Variants in EOGT observed in about 807,000 individuals in gnomAD.
EOGT encodes EGF domain specific O-linked N-acetylglucosamine transferase.
Under a neutral mutation model 70.5 loss-of-function variants are expected in EOGT, and 55 were observed. The ratio of observed to expected loss-of-function variants is 0.78; its 90% CI spans 0.63 to 0.98. The LOEUF is 0.98. Ranked by LOEUF, EOGT falls within the 50% of genes least tolerant of loss-of-function variation. EOGT has a pLI of 0.00. For synonymous variants in EOGT, 246 were observed against 217.1 expected, an observed-to-expected ratio of 1.13 and a Z score of -1.17; for missense variants, 703 against 641.9, an observed-to-expected ratio of 1.10 and a Z score of -1.03.
At position 68,978,480 on chromosome 3, in the gene EOGT, T is replaced by G. The variant is rs996086406; in HGVS notation, c.1335-45A>C. 3.6e-6 allele frequency: 5 copies of G among 1,373,544 alleles called. No homozygotes were observed. In the East Asian group the frequency reaches 9.7e-5, roughly 27 times the overall value. The allele number at this position is 1,373,544 out of a possible 1,614,324, so 85.1% of individuals were successfully genotyped here. ...ACAACATGAGGCTTTTGTCCAAGGTTTTTTCCAAATCAACAACTCTGCGAA... is the reference window on the plus strand; with the variant it reads ...ACAACATGAGGCTTTTGTCCAAGGTGTTTTCCAAATCAACAACTCTGCGAA... On this transcript the variant is annotated intron_variant, in intron 16 of 17. Coordinates refer to ENST00000383701, the MANE Select transcript of EOGT (RefSeq NM_001278689.2).
chr3:68,991,416 G>A (rs2090989885), intron 10 of EOGT, among the ~76,000 whole-genome samples: 1 of 152,192 alleles, frequency 6.6e-6, no homozygotes, highest in African/African-American at 2.4e-5. Flanking sequence ...GGACATATGT[G>A]TTTATGGTCA....
At chr3:68,990,347 G>C (rs1304021373) in intron 10 of EOGT, among the ~76,000 whole-genome samples, 1 of 126,490 alleles carries the variant, frequency 7.9e-6, no homozygotes, top group Non-Finnish European at 1.6e-5. Flanking sequence ...ATTACCACAT[G>C]CTTTTTTTTT....
At chr3:68,980,447 A>G (rs2090606760) in intron 15 of EOGT, among the ~76,000 whole-genome samples, 1 of 152,220 alleles carries the variant, frequency 6.6e-6, no homozygotes. Flanking sequence ...GACACTAACC[A>G]GTGTGTAAAC....
intron 10 of EOGT, among the ~76,000 whole-genome samples, chr3:68,996,189 T>C (rs780516873): frequency 6.6e-6 from 1 of 152,178 alleles, no homozygotes; most frequent in Non-Finnish European, 1.5e-5. Context: ...TAAATGCATA[T>C]AGACGGAAAA....
intron 4 of EOGT, 96 bp from the exon 5 acceptor site, chr3:69,008,624 C>A: frequency 1.2e-6 from 1 of 810,654 alleles, no homozygotes; most frequent in South Asian, 1.5e-5. Flanking sequence ...ATAGAGCATT[C>A]ACATTTACAT....
At chr3:69,007,351 TAATAAA>T (rs1225200248) in intron 6 of EOGT, among the ~76,000 whole-genome samples, 2 of 152,034 alleles carry the variant, frequency 1.3e-5, no homozygotes, top group Non-Finnish European at 2.9e-5. Flanking sequence ...CAATAATAAG[TAATAAA>T]AATAAAATAG....
intron 8 of EOGT, among the ~76,000 whole-genome samples, chr3:69,002,193 G>A (rs1471890760): frequency 6.6e-6 from 1 of 152,144 alleles, no homozygotes; most frequent in Non-Finnish European, 1.5e-5. Flanking sequence ...GAGTTTAGCA[G>A]CAGATTCTCC....
chr3:68,987,761 G>T, intron 13 of EOGT: 1 of 539,096 alleles, frequency 1.9e-6, no homozygotes, highest in Non-Finnish European at 3.3e-6. Context: ...TTTTGGCAGG[G>T]GTTGTGTATG....
chr3:68,989,630 C>T lies in EOGT; in HGVS notation c.832-613G>A, dbSNP rs1292434964. ...AGGCATGGTGGCATGTGCTTATAAT[C>T]CCAGCTACTCGGGAGGCTGAGACAG... On this transcript the variant is annotated intron_variant, in intron 10 of 17. Coordinates refer to ENST00000383701, the MANE Select transcript of EOGT (RefSeq NM_001278689.2). Among the ~76,000 whole-genome samples, 3 of 151,794 alleles carry T rather than the reference C, an allele frequency of 2.0e-5. No homozygotes were observed. The East Asian group carries it at 5.8e-4, about 29-fold the overall frequency.
rs146762052 is a variant in EOGT at position 69,004,399 on chromosome 3, C to T, written c.599G>A (p.Arg200His). The T allele has an allele frequency of 3.7e-5, 60 of 1,613,624 alleles. No homozygotes were observed. Among genetic ancestry groups the T allele is most frequent in the Admixed American group, 2.5e-4 (15 of 60,004 alleles). The change falls in exon 8 of 18, where the codon CGC becomes CAC. Residue 200 changes from arginine (R) to histidine (H), a missense_variant. Physicochemically the swap from Arg to His is conservative, Grantham distance 29. Coordinates refer to ENST00000383701, the MANE Select transcript of EOGT (RefSeq NM_001278689.2). The stretch of plus-strand genomic sequence containing the variant: ...TTACCATGACTGCAGAGGGCTTTTG[C>T]GCTGACCTTCAGACGTCAATGTACG... ...DIRTLTSEGQ[R>H]KSPLQSWFAE...
chr3:69,006,329 T>C (rs2091440362), intron 6 of EOGT, among the ~76,000 whole-genome samples: 1 of 152,208 alleles, frequency 6.6e-6, no homozygotes, highest in Admixed American at 6.5e-5. Flanking sequence ...TCATTCACCT[T>C]GCTAGAATGC....
chr3:68,988,153 G>A (rs1004190671), intron 13 of EOGT, 142 bp downstream of exon 13: 1 of 625,148 alleles, frequency 1.6e-6, no homozygotes, highest in Non-Finnish European at 2.7e-6. Flanking sequence ...GGACTCAAGT[G>A]ATCCACCTGC....
chr3:69,004,320 G>C (rs2091381210), intron 8 of EOGT, 58 bp downstream of exon 8: 1 of 1,247,150 alleles, frequency 8.0e-7, no homozygotes, highest in Admixed American at 1.8e-5. Context: ...ATTAATATCT[G>C]CAAGTGCCGT....
intron 14 of EOGT, 53 bp downstream of exon 14, chr3:68,987,392 T>C (rs754383563): frequency 8.9e-6 from 11 of 1,233,020 alleles, no homozygotes; most frequent in Non-Finnish European, 1.3e-5. Flanking sequence ...AAAAACACAA[T>C]TTGCTCTATG....
At position 68,997,979 on chromosome 3, in the gene EOGT, A is replaced by G. The variant is rs116519835; in HGVS notation, c.831+32T>C. Reference sequence around the variant, plus strand: ...TCACACACTGATACAAGGGAAAGACAGTACTGAAGCGGAGAGCACATTCTT... The same window carrying G: ...TCACACACTGATACAAGGGAAAGACGGTACTGAAGCGGAGAGCACATTCTT... On this transcript the variant is annotated intron_variant, in intron 10 of 17. Coordinates refer to ENST00000383701, the MANE Select transcript of EOGT (RefSeq NM_001278689.2). The G allele has an allele frequency of 1.2e-4, 148 of 1,215,574 alleles. 1 individual carries two copies. The African/African-American group carries it at 1.9e-3, about 16-fold the overall frequency. The allele number at this position is 1,215,574 out of a possible 1,614,324, so 75.3% of individuals were successfully genotyped here.
chr3:68,991,206 A>G (rs2090984211), intron 10 of EOGT, among the ~76,000 whole-genome samples: 1 of 152,216 alleles, frequency 6.6e-6, no homozygotes, highest in African/African-American at 2.4e-5. Flanking sequence ...AGTCCAAATT[A>G]TCCACCATTT....
chr3:69,013,057 G>GT (rs2091615197), intron 1 of EOGT, among the ~76,000 whole-genome samples: 1 of 152,048 alleles, frequency 6.6e-6, no homozygotes, highest in Non-Finnish European at 1.5e-5. Flanking sequence ...CCCCTTGAAC[G>GT]TCAGTCCCGG....
chr3:68,988,701 TTTCA>T, intron 11 of EOGT, 124 bp from the exon 12 acceptor site: 1 of 675,696 alleles, frequency 1.5e-6, no homozygotes. Context: ...TAGCACACTA[TTTCA>T]TTCAAAGAGA....
In EOGT at chr3:68,975,280, A is replaced by G. The variant is rs1312664273; in HGVS notation, c.*2338T>C. On this transcript the variant is annotated 3_prime_UTR_variant, in exon 18 of 18. Coordinates refer to ENST00000383701, the MANE Select transcript of EOGT (RefSeq NM_001278689.2). ...AAGCCATACCCAAAACATACAATGA[A>G]ATACATCCCTGTTAAAGACTTAATA... The G allele has an allele frequency of 1.3e-5, 2 of 152,668 alleles. No individual in the cohort carries two copies. Among genetic ancestry groups the G allele is most frequent in the African/African-American group, 4.8e-5 (2 of 41,460 alleles). The allele number at this position is 152,668 out of a possible 1,614,324, so 9.5% of individuals were successfully genotyped here. A position where few individuals can be genotyped will look rare whatever the true frequency, so the allele number is the denominator to read the frequency against.
Sources: allele counts gnomAD v4.1 joint callset (sites outside exome capture counted in the v4.1 genomes callset), GRCh38; gene constraint gnomAD v4.1.1; transcripts MANE v1.5; gene names NCBI Gene and HGNC (gene_info 2026-07-23, HGNC 2026-07-21).